Variants in NLGN1 observed in about 807,000 individuals in gnomAD.
NLGN1 encodes the protein neuroligin 1.
A neutral mutation model predicts 65.5 loss-of-function variants in NLGN1; 12 were observed. The observed-to-expected ratio is 0.18, with a 90% CI of 0.12 to 0.30. The LOEUF is 0.30. Ranked by LOEUF, NLGN1 falls within the 10% of genes least tolerant of loss-of-function variation. The pLI is 1.00. For synonymous variants in NLGN1, 350 were observed against 359.5 expected (o/e 0.97, Z 0.30); for missense variants, 750 against 1,007.1 (o/e 0.74, Z 3.46).
At chr3:174,189,603 A>T (rs942285182) in intron 4 of NLGN1, among the ~76,000 whole-genome samples, 3 of 151,934 alleles carry the variant, frequency 2.0e-5, no homozygotes, top group African/African-American at 7.2e-5. Flanking sequence ...ATTCTTCAGC[A>T]TGTTTCCAAA....
At chr3:173,855,108 G>A (rs773713138) in intron 4 of NLGN1, among the ~76,000 whole-genome samples, 4 of 151,990 alleles carry the variant, frequency 2.6e-5, no homozygotes, top group Non-Finnish European at 5.9e-5. Context: ...CTTTAACAGT[G>A]TTTGACAAAA....
chr3:173,579,144 T>A (rs980013488), intron 2 of NLGN1, among the ~76,000 whole-genome samples: 1 of 152,180 alleles, frequency 6.6e-6, no homozygotes, highest in African/African-American at 2.4e-5. Flanking sequence ...CTAACCAACA[T>A]TGATGAAAAA....
At chr3:174,035,505 G>A (rs1325019887) in intron 4 of NLGN1, among the ~76,000 whole-genome samples, 1 of 152,186 alleles carries the variant, frequency 6.6e-6, no homozygotes, top group African/African-American at 2.4e-5. Flanking sequence ...GATCTCACAT[G>A]TAATCCTGGT....
intron 3 of NLGN1, among the ~76,000 whole-genome samples, chr3:173,629,330 G>A (rs1755317446): frequency 1.3e-5 from 2 of 151,850 alleles, no homozygotes; most frequent in Admixed American, 1.3e-4. Flanking sequence ...TGCCCAGGCT[G>A]GTATTGGAAA....
At chr3:173,702,040 C>T (rs1213202176) in intron 3 of NLGN1, among the ~76,000 whole-genome samples, 1 of 151,906 alleles carries the variant, frequency 6.6e-6, no homozygotes, top group East Asian at 1.9e-4. Context: ...GAGATCGAGA[C>T]CATCCCGGCT....
chr3:173,765,711 G>C (rs1005547450), intron 3 of NLGN1, among the ~76,000 whole-genome samples: 3 of 152,126 alleles, frequency 2.0e-5, no homozygotes, highest in African/African-American at 7.2e-5. Context: ...CCACCATGCA[G>C]AGCCTCAAGC....
intron 2 of NLGN1, among the ~76,000 whole-genome samples, chr3:173,518,468 T>C (rs1734222012): frequency 6.6e-6 from 1 of 150,648 alleles, no homozygotes; most frequent in South Asian, 2.1e-4. Context: ...GTTATAGTTA[T>C]ATATACTTAT....
At chr3:174,194,696 A>G (rs150231212) in intron 4 of NLGN1, among the ~76,000 whole-genome samples, 2,847 of 150,228 alleles carry the variant, frequency 0.019, 63 homozygotes, top group Admixed American at 0.077. Context: ...GTGTGTGTGT[A>G]TATATATATA....
chr3:173,581,198 AT>A (rs1746342256), intron 2 of NLGN1, among the ~76,000 whole-genome samples: 1 of 152,028 alleles, frequency 6.6e-6, no homozygotes, highest in African/African-American at 2.4e-5. Flanking sequence ...ATTGAATAGT[AT>A]TAACTGCTCA....
intron 4 of NLGN1, among the ~76,000 whole-genome samples, chr3:174,119,935 G>A (rs1717391556): frequency 6.6e-6 from 1 of 152,112 alleles, no homozygotes; most frequent in African/African-American, 2.4e-5. Context: ...TTTAAGAGGA[G>A]CGCTAAGCTC....
chr3:174,180,624 T>C (rs975907300), intron 4 of NLGN1, among the ~76,000 whole-genome samples: 60 of 152,272 alleles, frequency 3.9e-4, no homozygotes, highest in African/African-American at 1.4e-3. Flanking sequence ...TTAAAGATAA[T>C]AACTCTCACT....
chr3:173,609,400 C>T (rs1373845165), intron 3 of NLGN1, among the ~76,000 whole-genome samples: 3 of 151,906 alleles, frequency 2.0e-5, no homozygotes, highest in Admixed American at 6.6e-5. Flanking sequence ...AAGTGTTTTA[C>T]GTGCTCTGGT....
chr3:174,149,988 A>G (rs1427663748), intron 4 of NLGN1, among the ~76,000 whole-genome samples: 1 of 152,142 alleles, frequency 6.6e-6, no homozygotes, highest in Non-Finnish European at 1.5e-5. Context: ...CCACTTATTG[A>G]TTCATAATCT....
At chr3:173,937,319 T>C (rs1745238653) in intron 4 of NLGN1, among the ~76,000 whole-genome samples, 1 of 152,070 alleles carries the variant, frequency 6.6e-6, no homozygotes, top group Non-Finnish European at 1.5e-5. Flanking sequence ...TATGAAATAA[T>C]TCACCCATCA....
intron 4 of NLGN1, among the ~76,000 whole-genome samples, chr3:174,017,508 G>A (rs1380630117): frequency 6.6e-6 from 1 of 152,078 alleles, no homozygotes; most frequent in African/African-American, 2.4e-5. Flanking sequence ...ATTTATTGAG[G>A]TTCTTTCAGG....
chr3:173,628,653 T>C (rs573104742), intron 3 of NLGN1, among the ~76,000 whole-genome samples: 3 of 152,148 alleles, frequency 2.0e-5, no homozygotes, highest in African/African-American at 7.2e-5. Context: ...CTTTAAAATT[T>C]TGCCCTAGGA....
At chr3:173,845,948 T>G (rs1353136266) in intron 4 of NLGN1, among the ~76,000 whole-genome samples, 1 of 152,110 alleles carries the variant, frequency 6.6e-6, no homozygotes, top group Admixed American at 6.6e-5. Flanking sequence ...GGATGGTAAT[T>G]TCCATTCTTT....
At chr3:173,672,672 C>T (rs1762601314) in intron 3 of NLGN1, among the ~76,000 whole-genome samples, 1 of 152,308 alleles carries the variant, frequency 6.6e-6, no homozygotes, top group East Asian at 1.9e-4. Context: ...TTTCTTCTCT[C>T]CTGACCATGT....
At chr3:174,169,780 G>C (rs1277461986) in intron 4 of NLGN1, among the ~76,000 whole-genome samples, 3 of 152,104 alleles carry the variant, frequency 2.0e-5, no homozygotes, top group African/African-American at 7.2e-5. Flanking sequence ...AGCTGTAGCA[G>C]CTCTCTTCTT....
Sources: allele counts gnomAD v4.1 joint callset (sites outside exome capture counted in the v4.1 genomes callset), GRCh38; gene constraint gnomAD v4.1.1; transcripts MANE v1.5; gene names NCBI Gene and HGNC (gene_info 2026-07-23, HGNC 2026-07-21).